Variants in C21orf58 observed in about 807,000 individuals in gnomAD.
The protein encoded by C21orf58 is uncharacterized protein C21orf58.
A neutral mutation model predicts 35.8 loss-of-function variants in C21orf58; 34 were observed. The ratio of observed to expected loss-of-function variants is 0.95; its 90% CI spans 0.72 to 1.26. C21orf58 has a LOEUF of 1.26. Ranked by LOEUF, C21orf58 falls within the 50% of genes most tolerant of loss-of-function variation. The probability of loss-of-function intolerance (pLI) is 0.00; values close to 1 mark genes in which losing one functional copy is unlikely to be tolerated. For missense variants in C21orf58, 440 were observed against 414.3 expected (o/e 1.06, Z -0.54); for synonymous variants, 191 against 175.8 (o/e 1.09, Z -0.68).
At chr21:46,302,228 C>T in intron 7 of C21orf58, 74 bp from the exon 8 acceptor site, 1 of 1,432,392 alleles carries the variant, frequency 7.0e-7, no homozygotes, top group Non-Finnish European at 9.1e-7. Context: ...CTGTTCCTAA[C>T]TGGGGCTGGA....
In C21orf58 at chr21:46,302,070, C is replaced by CATG. The variant is rs918714374; in HGVS notation, c.895_897dup (p.His299dup). The CATG allele has an allele frequency of 1.2e-5, 18 of 1,476,562 alleles. No homozygotes were observed. The highest frequency in any genetic ancestry group is 1.6e-5 in the Non-Finnish European group (18 of 1,108,480). The allele number at this position is 1,476,562 out of a possible 1,614,324, so 91.5% of individuals were successfully genotyped here. A position where few individuals can be genotyped will look rare whatever the true frequency, so the allele number is the denominator to read the frequency against. ...GTGGCAGCCCCAGGTGGCCACACAG[C>CATG]ATGGTGGTGGTGGTGGTGGTGGTGC... On this transcript the variant is annotated inframe_insertion, in exon 8 of 8. Transcript: ENST00000291691.
At position 46,302,015 on chromosome 21, in the gene C21orf58, G is replaced by T; in HGVS notation, c.953C>A (p.Thr318Lys). The T allele has an allele frequency of 6.5e-7, 1 of 1,533,030 alleles. No homozygotes were observed. Among genetic ancestry groups the T allele is most frequent in the Non-Finnish European group, 8.8e-7 (1 of 1,139,702 alleles). 95.0% of individuals were successfully genotyped at this position (1,533,030 alleles called of 1,614,324 possible). ...TVLQPAPSLW[T>K]PGPP ...GACTCACACTCAGGGTGGGCCAGGCGTCCACAGGCTGGGGGCGGGCTGGAG... is the reference window on the plus strand; with the variant it reads ...GACTCACACTCAGGGTGGGCCAGGCTTCCACAGGCTGGGGGCGGGCTGGAG... Residue 318 changes from threonine to lysine, a missense_variant, in exon 8 of 8, where the codon ACG (threonine) becomes AAG (lysine). By Grantham distance (78) the Thr-to-Lys change is moderately conservative (BLOSUM62 -1). Coordinates refer to ENST00000291691, the MANE Select transcript of C21orf58 (RefSeq NM_058180.5).
intron 5 of C21orf58, among the ~76,000 whole-genome samples, chr21:46,313,997 G>A (rs929066931): frequency 2.6e-5 from 4 of 152,162 alleles, no homozygotes; most frequent in African/African-American, 4.8e-5. Flanking sequence ...GCTTCAGAAA[G>A]TCAGAGTTGT....
rs1601620856 is a variant in C21orf58, at chr21:46,301,962, T to G, written c.*37A>C. 8.8e-6 allele frequency: 13 copies of G among 1,473,550 alleles called. No individual in the cohort carries two copies. Among genetic ancestry groups the G allele is most frequent in the Non-Finnish European group, 1.2e-5 (13 of 1,113,148 alleles). 91.3% of individuals were successfully genotyped at this position (1,473,550 alleles called of 1,614,324 possible). A position where few individuals can be genotyped will look rare whatever the true frequency, so the allele number is the denominator to read the frequency against. ...CCACAGCCCTGAGGAAGCCTGGGGG[T>G]GGAGGGTGCCCCGGCCAGGGTCTCT... On this transcript the variant is annotated 3_prime_UTR_variant, in exon 8 of 8. Coordinates refer to ENST00000291691, the MANE Select transcript of C21orf58 (RefSeq NM_058180.5).
At chr21:46,308,586 T>TA (rs1051551018) in intron 6 of C21orf58, among the ~76,000 whole-genome samples, 8 of 152,152 alleles carry the variant, frequency 5.3e-5, no homozygotes, top group African/African-American at 1.4e-4. Context: ...TTGTTGGCCA[T>TA]AAGCGAAAAC....
At position 46,301,883 on chromosome 21, in the gene C21orf58, A is replaced by C. The variant is rs1429621311; in HGVS notation, c.*116T>G. 1.5e-6 allele frequency: 2 copies of C among 1,333,122 alleles called. No homozygotes were observed. 82.6% of individuals were successfully genotyped at this position (1,333,122 alleles called of 1,614,324 possible). ...GCCTGCAGTCCACACTCGCGTAGCC[A>C]CTCCGGGTGGTGGCAGGGTCTCTCC... On this transcript the variant is annotated 3_prime_UTR_variant, in exon 8 of 8. Transcript: ENST00000291691.
chr21:46,322,915 TGCAAACAA>T lies in C21orf58; in HGVS notation c.-185_-178del. On this transcript the variant is annotated 5_prime_UTR_variant, in exon 1 of 8. An upstream open reading frame in the 5' UTR loses its in-frame stop. Coordinates refer to ENST00000291691, the MANE Select transcript of C21orf58 (RefSeq NM_058180.5). Reference sequence around the variant, plus strand: ...CGCTCGGGAAGGGCATCGTTACTGCTGCAAACAAGCACACGGCCCTCCACGACGAACCT... The same window carrying T: ...CGCTCGGGAAGGGCATCGTTACTGCTGCACACGGCCCTCCACGACGAACCT... The T allele has an allele frequency of 2.1e-6, 1 of 476,246 alleles. No homozygotes were observed. The highest frequency in any genetic ancestry group is 3.7e-6 in the Non-Finnish European group (1 of 268,718). 29.5% of individuals were successfully genotyped at this position (476,246 alleles called of 1,614,324 possible).
At chr21:46,314,137 T>TTTTTTTGTTTTTTC (rs1361624526) in intron 5 of C21orf58, among the ~76,000 whole-genome samples, 1 of 151,794 alleles carries the variant, frequency 6.6e-6, no homozygotes, top group East Asian at 1.9e-4. Flanking sequence ...TAAAGTTTTT[T>TTTTTTTGTTTTTTC]TTTTGAGATG....
chr21:46,300,932 C>T, downstream of C21orf58: 1 of 826,116 alleles, frequency 1.2e-6, no homozygotes, highest in South Asian at 1.8e-5. Flanking sequence ...GTAGCCTGTC[C>T]ACATGGTAAG....
At chr21:46,308,656 T>C (rs1248691366) in intron 6 of C21orf58, among the ~76,000 whole-genome samples, 2 of 151,906 alleles carry the variant, frequency 1.3e-5, no homozygotes, top group East Asian at 3.9e-4. Context: ...GTGGCAGTAT[T>C]GAGAGGTGGG....
At chr21:46,320,229 A>G (rs2083109809) in intron 1 of C21orf58, among the ~76,000 whole-genome samples, 1 of 151,812 alleles carries the variant, frequency 6.6e-6, no homozygotes, top group African/African-American at 2.4e-5. Context: ...CAGCCTCCCG[A>G]GTAGCTGGGA....
intron 2 of C21orf58, 27 bp downstream of exon 2, chr21:46,317,985 A>C: frequency 6.2e-7 from 1 of 1,611,192 alleles, no homozygotes; most frequent in Non-Finnish European, 8.5e-7. Flanking sequence ...GTTGTTAAAA[A>C]CAGGAGCATC....
Position 46,317,669 on chromosome 21 carries a change from G to A in C21orf58, c.309+343C>T, listed in dbSNP as rs543787153. ...TCCAGGGGTGAGTCCCTCTCATGGC[G>A]GCCTGTGGGCCAGGATGCAGGGCTG... On this transcript the variant is annotated intron_variant, in intron 2 of 7. Transcript: ENST00000291691. Among the ~76,000 whole-genome samples, 5 of 152,342 alleles carry A rather than the reference G, an allele frequency of 3.3e-5. No individual in the cohort carries two copies. The South Asian group carries it at 6.2e-4, about 19-fold the overall frequency.
intron 6 of C21orf58, among the ~76,000 whole-genome samples, chr21:46,302,822 GC>G (rs1454346100): frequency 3.1e-4 from 1 of 3,278 alleles, no homozygotes; most frequent in Non-Finnish European, 6.5e-4. Flanking sequence ...CCCGGGGCGC[GC>G]CCTGAGCCCG....
chr21:46,306,195 G>A (rs1174055286), intron 6 of C21orf58, among the ~76,000 whole-genome samples: 1 of 152,004 alleles, frequency 6.6e-6, no homozygotes, highest in Non-Finnish European at 1.5e-5. Flanking sequence ...ATTTGAATAT[G>A]CAGCAAAACT....
intron 6 of C21orf58, among the ~76,000 whole-genome samples, chr21:46,304,848 G>A (rs1406821884): frequency 1.3e-5 from 2 of 152,210 alleles, no homozygotes; most frequent in Non-Finnish European, 1.5e-5. Context: ...ATAAATGGAG[G>A]CAGAAATGTG....
intron 5 of C21orf58, 56 bp from the exon 6 acceptor site, chr21:46,311,623 A>C: frequency 9.7e-7 from 1 of 1,035,234 alleles, no homozygotes; most frequent in East Asian, 2.6e-5. Flanking sequence ...AAGTGTCTCC[A>C]GTATCTACCA....
intron 5 of C21orf58, among the ~76,000 whole-genome samples, chr21:46,311,975 C>A (rs1601678520): frequency 7.7e-6 from 1 of 129,890 alleles, no homozygotes; most frequent in Non-Finnish European, 1.6e-5. Context: ...ACCCACCCAC[C>A]CATCCATCCA....
At chr21:46,312,773 G>A (rs2082794986) in intron 5 of C21orf58, among the ~76,000 whole-genome samples, 1 of 152,156 alleles carries the variant, frequency 6.6e-6, no homozygotes, top group East Asian at 1.9e-4. Context: ...GAGCATCTGG[G>A]GCAGACCCGT....
Sources: allele counts gnomAD v4.1 joint callset (sites outside exome capture counted in the v4.1 genomes callset), GRCh38; gene constraint gnomAD v4.1.1; transcripts MANE v1.5; gene names NCBI Gene and HGNC (gene_info 2026-07-23, HGNC 2026-07-21).